ERRFI1: variants seen among roughly 807,000 people sequenced by gnomAD.
ERRFI1 encodes ERBB receptor feedback inhibitor 1.
In ERRFI1, 12 loss-of-function variants were observed where a neutral mutation model predicts 14.6. The ratio of observed to expected loss-of-function variants is 0.82; its 90% CI spans 0.53 to 1.33. The LOEUF is 1.33. Ranked by LOEUF, ERRFI1 falls within the 40% of genes most tolerant of loss-of-function variation. ERRFI1 has a pLI of 0.00. For synonymous variants in ERRFI1, 202 were observed against 209.9 expected, an observed-to-expected ratio of 0.96 and a Z score of 0.32; for missense variants, 482 against 572.1, an observed-to-expected ratio of 0.84 and a Z score of 1.61.
intron 1 of ERRFI1, among the ~76,000 whole-genome samples, chr1:8,017,365 G>T (rs1641191138): frequency 6.6e-6 from 1 of 152,022 alleles, no homozygotes; most frequent in African/African-American, 2.4e-5. Flanking sequence ...TATTATTTCA[G>T]ATAGTCAAGC....
intron 1 of ERRFI1, among the ~76,000 whole-genome samples, chr1:8,020,153 T>C (rs1012435149): frequency 6.6e-5 from 10 of 151,972 alleles, no homozygotes; most frequent in African/African-American, 2.4e-4. Context: ...CAGATCTCAT[T>C]AATAAATCTC....
At chr1:8,017,763 C>G (rs1392161600) in intron 1 of ERRFI1, among the ~76,000 whole-genome samples, 1 of 152,158 alleles carries the variant, frequency 6.6e-6, no homozygotes, top group African/African-American at 2.4e-5. Context: ...GCAGGCCCAA[C>G]CCCCACCTGT....
rs1186219478 is a variant in ERRFI1, at chr1:8,012,294, C to T, written c.*916G>A. On this transcript the variant is annotated 3_prime_UTR_variant, in exon 4 of 4. Coordinates refer to ENST00000377482, the MANE Select transcript of ERRFI1 (RefSeq NM_018948.4). ...AAAAGCAAAACCACAACACACATCCCCAAACAATAACTCTCAATCACATAG... is the reference window on the plus strand; with the variant it reads ...AAAAGCAAAACCACAACACACATCCTCAAACAATAACTCTCAATCACATAG... 4.3e-6 allele frequency: 1 copy of T among 231,172 alleles called. No homozygotes were observed. The highest frequency in any genetic ancestry group is 2.2e-5 in the African/African-American group (1 of 45,200). The allele number at this position is 231,172 out of a possible 1,614,324, so 14.3% of individuals were successfully genotyped here.
chr1:8,022,466 C>A (rs546648017), intron 1 of ERRFI1, among the ~76,000 whole-genome samples: 53 of 152,300 alleles, frequency 3.5e-4, no homozygotes, highest in African/African-American at 1.2e-3. Context: ...CCCACAACAT[C>A]CCTGTAAGAA....
At position 8,014,304 on chromosome 1, in the gene ERRFI1, G is replaced by C. The variant is rs760516819; in HGVS notation, c.295C>G (p.Pro99Ala). ...TCATGTGGTCCCAAGTTTTCACTTG[G>C]GGGAATAAGAAGAGGGGGCAAGCTG... The part of the protein sequence containing the change: ...KSSLPPLLIP[P>A]SENLGPHEED... The change falls in exon 4 of 4, where the codon CCA (proline) becomes GCA (alanine). Residue 99 changes from proline to alanine, a missense_variant. Physicochemically the swap from Pro to Ala is conservative, Grantham distance 27. Coordinates refer to ENST00000377482, the MANE Select transcript of ERRFI1 (RefSeq NM_018948.4). 136 of 1,613,786 alleles carry C rather than the reference G, an allele frequency of 8.4e-5. No homozygotes were observed. Among genetic ancestry groups the C allele is most frequent in the Non-Finnish European group, 1.1e-4 (131 of 1,179,894 alleles).
At chr1:8,022,925 C>T (rs556663344) in intron 1 of ERRFI1, among the ~76,000 whole-genome samples, 1 of 152,174 alleles carries the variant, frequency 6.6e-6, no homozygotes, top group Non-Finnish European at 1.5e-5. Context: ...AAGAGAATAG[C>T]CAAGCAAGCA....
Position 8,014,220 on chromosome 1 carries a change from T to C in ERRFI1, c.379A>G (p.Thr127Ala). The change falls in exon 4 of 4, where the codon ACC becomes GCC. Residue 127 changes from threonine to alanine, a missense_variant. Coordinates refer to ENST00000377482, the MANE Select transcript of ERRFI1 (RefSeq NM_018948.4). ...TTTTTTATGGGTGTCAGTGGAGGGG[T>C]GGAAGCACAAACCCCATTCACTGTG... The part of the protein sequence containing the change: ...KLTVNGVCAS[T>A]PPLTPIKNSP... The C allele has an allele frequency of 1.9e-6, 3 of 1,613,434 alleles. No individual in the cohort carries two copies. The highest frequency in any genetic ancestry group is 1.7e-6 in the Non-Finnish European group (2 of 1,179,826).
intron 1 of ERRFI1, among the ~76,000 whole-genome samples, chr1:8,016,783 A>C (rs1042301703): frequency 2.0e-5 from 3 of 152,058 alleles, no homozygotes; most frequent in African/African-American, 7.2e-5. Flanking sequence ...TCATTCTCTC[A>C]CTAAATATTA....
Position 8,012,654 on chromosome 1 carries a change from C to A in ERRFI1, c.*556G>T, listed in dbSNP as rs1641102800. On this transcript the variant is annotated 3_prime_UTR_variant, in exon 4 of 4. Coordinates refer to ENST00000377482, the MANE Select transcript of ERRFI1 (RefSeq NM_018948.4). ...GTACACCCATGGTAAAGAATGGATA[C>A]CCTGCCCTCCATGGAAAAGATTGCC... 1.3e-5 allele frequency: 3 copies of A among 229,438 alleles called. No individual in the cohort carries two copies. The highest frequency in any genetic ancestry group is 2.6e-5 in the Non-Finnish European group (3 of 115,744). The allele number at this position is 229,438 out of a possible 1,614,324, so 14.2% of individuals were successfully genotyped here. A position where few individuals can be genotyped will look rare whatever the true frequency, so the allele number is the denominator to read the frequency against.
intron 1 of ERRFI1, among the ~76,000 whole-genome samples, chr1:8,023,935 C>T (rs1479923961): frequency 1.3e-5 from 2 of 152,158 alleles, no homozygotes; most frequent in Non-Finnish European, 2.9e-5. Context: ...GCAAAGGATG[C>T]TAAATGTATC....
intron 1 of ERRFI1, among the ~76,000 whole-genome samples, chr1:8,023,099 TAA>T (rs1287827083): frequency 6.6e-6 from 1 of 152,182 alleles, no homozygotes; most frequent in Non-Finnish European, 1.5e-5. Context: ...GCAGCCCTGA[TAA>T]GAGTCAGAAG....
At chr1:8,023,517 C>G (rs1641301232) in intron 1 of ERRFI1, among the ~76,000 whole-genome samples, 1 of 152,098 alleles carries the variant, frequency 6.6e-6, no homozygotes, top group African/African-American at 2.4e-5. Context: ...GGGCTCAAGC[C>G]ATCTGCCCGC....
chr1:8,023,374 C>A (rs1439064528), intron 1 of ERRFI1, among the ~76,000 whole-genome samples: 1 of 152,140 alleles, frequency 6.6e-6, no homozygotes, highest in East Asian at 1.9e-4. Flanking sequence ...GCCTCCCAGG[C>A]TCAAGCAATC....
chr1:8,016,539 C>T (rs1363901523), intron 1 of ERRFI1, among the ~76,000 whole-genome samples: 1 of 152,164 alleles, frequency 6.6e-6, no homozygotes, highest in Non-Finnish European at 1.5e-5. Flanking sequence ...ACTTCAGGAC[C>T]GCCAATCCCC....
In ERRFI1 at chr1:8,015,644, A is replaced by C; in HGVS notation, c.-25T>G. ...TTGTGCCTTATTCTGGGACATCTCC[A>C]AACCTGTGAGGCCCAGGCACTTTAA... On this transcript the variant is annotated 5_prime_UTR_variant, in exon 2 of 4. Coordinates refer to ENST00000377482, the MANE Select transcript of ERRFI1 (RefSeq NM_018948.4). 1 of 1,613,898 alleles carries C rather than the reference A, an allele frequency of 6.2e-7. No homozygotes were observed. The highest frequency in any genetic ancestry group is 1.7e-5 in the Admixed American group (1 of 60,022).
rs1185189745 is a variant in ERRFI1 at position 8,012,451 on chromosome 1, C to G, written c.*759G>C. 2 of 230,222 alleles carry G rather than the reference C, an allele frequency of 8.7e-6. No homozygotes were observed. Among genetic ancestry groups the G allele is most frequent in the Non-Finnish European group, 1.7e-5 (2 of 115,884 alleles). The allele number at this position is 230,222 out of a possible 1,614,324, so 14.3% of individuals were successfully genotyped here. A position where few individuals can be genotyped will look rare whatever the true frequency, so the allele number is the denominator to read the frequency against. ...CGATGAGCTACTTCAGTGGGTGGGA[C>G]CAAGCAGGAACTGTAAGGGAAAATT... is the stretch of plus-strand genomic sequence containing the variant. On this transcript the variant is annotated 3_prime_UTR_variant, in exon 4 of 4. Transcript: ENST00000377482.
In ERRFI1 at chr1:8,026,199, T is replaced by G. The variant is rs887034560; in HGVS notation, c.-115A>C. 1 of 151,634 alleles carries G rather than the reference T, an allele frequency of 6.6e-6. No individual in the cohort carries two copies. 9.4% of individuals were successfully genotyped at this position (151,634 alleles called of 1,614,324 possible). On this transcript the variant is annotated 5_prime_UTR_variant, in exon 1 of 4. It removes an upstream start codon present in the reference 5' UTR. Coordinates refer to ENST00000377482, the MANE Select transcript of ERRFI1 (RefSeq NM_018948.4). ...CTGCCCCGCGGCGCCCTCCCGCGCATGTCCGTCCCGGCTGGCTCAGCGCCG... is the reference window on the plus strand; with the variant it reads ...CTGCCCCGCGGCGCCCTCCCGCGCAGGTCCGTCCCGGCTGGCTCAGCGCCG...
rs1641113229 is a variant in ERRFI1 at position 8,013,275 on chromosome 1, T to C, written c.1324A>G (p.Lys442Glu). Reference protein sequence around the residue: ...ISSATEKPDSKTKMDLGGHVK... With the variant: ...ISSATEKPDSETKMDLGGHVK... ...TGGCCACCCAGATCCATTTTTGTTT[T>C]TGAGTCTGGCTTTTCTGTGGCTGAA... Residue 442 changes from lysine to glutamate, a missense_variant, in exon 4 of 4, where the codon AAA becomes GAA. By Grantham distance (56) the Lys-to-Glu change is moderately conservative (BLOSUM62 1). Transcript: ENST00000377482. This position sits in a 1 kb window ranked among gnomAD's most constrained non-coding sequence, Gnocchi z 4.3. The C allele has an allele frequency of 1.9e-6, 3 of 1,614,124 alleles. No homozygotes were observed. The African/African-American group carries it at 4.0e-5, about 22-fold the overall frequency.
chr1:8,021,655 A>C (rs566997081), intron 1 of ERRFI1, among the ~76,000 whole-genome samples: 23 of 152,338 alleles, frequency 1.5e-4, no homozygotes, highest in Non-Finnish European at 2.9e-4. Context: ...TAAAACCATT[A>C]ATGATAACTA....
Sources: allele counts gnomAD v4.1 joint callset (sites outside exome capture counted in the v4.1 genomes callset), GRCh38; gene constraint gnomAD v4.1.1; non-coding constraint Gnocchi (gnomAD v3.1); transcripts MANE v1.5; gene names NCBI Gene and HGNC (gene_info 2026-07-23, HGNC 2026-07-21).